The following WNK3 variants were observed in gnomAD, a reference collection of about 807,000 sequenced individuals.
WNK3 encodes the protein WNK lysine deficient protein kinase 3, also known as serine/threonine-protein kinase WNK3.
Under a neutral mutation model 116.7 loss-of-function variants are expected in WNK3, and 18 were observed. That is an observed-to-expected ratio of 0.15 (90% CI 0.11 to 0.23). The LOEUF (loss-of-function observed/expected upper bound fraction) is 0.23, where lower values mean the gene tolerates loss of function less well. Ranked by LOEUF, WNK3 falls within the 10% of genes least tolerant of loss-of-function variation. The probability of loss-of-function intolerance (pLI) is 1.00; values close to 1 mark genes in which losing one functional copy is unlikely to be tolerated. For synonymous variants in WNK3, 404 were observed against 469.4 expected, an observed-to-expected ratio of 0.86 and a Z score of 1.80; for missense variants, 993 against 1,323.8, an observed-to-expected ratio of 0.75 and a Z score of 3.88.
chrX:54,354,521 T>C (rs1303396864), intron 1 of WNK3, among the ~76,000 whole-genome samples: 1 of 109,977 alleles, frequency 9.1e-6, no homozygotes, highest in African/African-American at 3.3e-5. Flanking sequence ...CAGTTAACTG[T>C]GGCCTGTCAG....
intron 1 of WNK3, among the ~76,000 whole-genome samples, chrX:54,336,838 GAA>G (rs1343965726): frequency 1.8e-5 from 2 of 111,259 alleles, no homozygotes; most frequent in Non-Finnish European, 3.8e-5. Context: ...TGAGGGAAAA[GAA>G]AGAGTCTTAC....
exon 24 of WNK3, chrX:54,198,392 T>C: frequency 8.3e-7 from 1 of 1,211,065 alleles, no homozygotes; most frequent in Non-Finnish European, 1.1e-6. Flanking sequence ...TGCATATTCA[T>C]CCCTGGCTGG....
chrX:54,236,388 G>A (rs1284798483), intron 20 of WNK3, among the ~76,000 whole-genome samples: 1 of 110,271 alleles, frequency 9.1e-6, no homozygotes, highest in East Asian at 2.8e-4. Flanking sequence ...CTCCCACAGT[G>A]CTGAGATTAC....
At chrX:54,275,317 G>A (rs2068430954) in intron 10 of WNK3, among the ~76,000 whole-genome samples, 1 of 109,432 alleles carries the variant, frequency 9.1e-6, no homozygotes, top group Non-Finnish European at 1.9e-5. Context: ...CTCCGGCTCA[G>A]AAAAAAGTGG....
At chrX:54,311,032 T>C (rs2147175225) in intron 3 of WNK3, 87 bp downstream of exon 3, 2 of 700,702 alleles carry the variant, frequency 2.9e-6, no homozygotes, top group East Asian at 7.6e-5. Flanking sequence ...AAAAATTCTT[T>C]GAGTAGTTTT....
At position 54,274,557 on chromosome X, in the gene WNK3, T is replaced by A. The variant is rs782534024; in HGVS notation, c.2038-15219A>T. On this transcript the variant is annotated intron_variant, in intron 10 of 23. Transcript: ENST00000354646. ...GTAATTTTTTTCCTATTTCAAGAAATTTTCCCTCATTCCTAAATCATTCTT... is the reference window on the plus strand; with the variant it reads ...GTAATTTTTTTCCTATTTCAAGAAAATTTCCCTCATTCCTAAATCATTCTT... 4.5e-5 allele frequency among the ~76,000 whole-genome samples: 5 copies of A among 111,697 alleles called. No individual in the cohort carries two copies. In the East Asian group the frequency reaches 1.4e-3, roughly 31 times the overall value.
At chrX:54,308,686 T>A (rs1557169148) in intron 4 of WNK3, among the ~76,000 whole-genome samples, 1 of 111,993 alleles carries the variant, frequency 8.9e-6, no homozygotes, top group Non-Finnish European at 1.9e-5. Context: ...CTTACTTACA[T>A]CCTTAGAACC....
chrX:54,317,663 G>C (rs2068976287), intron 2 of WNK3, among the ~76,000 whole-genome samples: 1 of 106,426 alleles, frequency 9.4e-6, no homozygotes, highest in South Asian at 4.3e-4. Context: ...ACGGAATCTC[G>C]CTCTGTCGCC....
At chrX:54,303,114 C>T (rs1463984120) in intron 5 of WNK3, among the ~76,000 whole-genome samples, 1 of 106,284 alleles carries the variant, frequency 9.4e-6, no homozygotes, top group Non-Finnish European at 1.9e-5. Flanking sequence ...TAGAAGCCAT[C>T]GGTAGACGGC....
intron 1 of WNK3, among the ~76,000 whole-genome samples, chrX:54,342,745 T>C (rs1557176695): frequency 9.0e-6 from 1 of 110,583 alleles, no homozygotes; most frequent in East Asian, 2.8e-4. Context: ...AACAATAAAA[T>C]GTAATAGCTG....
intron 6 of WNK3, among the ~76,000 whole-genome samples, chrX:54,299,467 T>G (rs1411724451): frequency 2.3e-4 from 24 of 106,055 alleles, no homozygotes; most frequent in Non-Finnish European, 1.4e-4. Flanking sequence ...TTTTTTTTTT[T>G]GGGACGGAGT....
intron 22 of WNK3, among the ~76,000 whole-genome samples, chrX:54,221,276 T>C (rs186193237): frequency 8.9e-6 from 1 of 112,243 alleles, no homozygotes; most frequent in Non-Finnish European, 1.9e-5. Context: ...TAAAGCACAC[T>C]GCTGAAGAGA....
At chrX:54,340,106 C>T (rs980046317) in intron 1 of WNK3, among the ~76,000 whole-genome samples, 11 of 110,761 alleles carry the variant, frequency 9.9e-5, no homozygotes, top group South Asian at 3.8e-4. Flanking sequence ...GCCGAGATCA[C>T]GCCTCTGCAC....
At chrX:54,356,267 T>C (rs1457437863) in intron 1 of WNK3, among the ~76,000 whole-genome samples, 1 of 111,415 alleles carries the variant, frequency 9.0e-6, no homozygotes, top group Non-Finnish European at 1.9e-5. Flanking sequence ...AAAGATAAAT[T>C]CGTAATGACC....
exon 21 of WNK3, chrX:54,232,939 T>C (rs1478650812): frequency 4.1e-6 from 5 of 1,211,107 alleles, no homozygotes; most frequent in Non-Finnish European, 5.6e-6. Flanking sequence ...TTTTGCTATC[T>C]TTAATTGACC....
chrX:54,232,966 C>G lies in WNK3; in HGVS notation c.4683G>C (p.Glu1561Asp), dbSNP rs187102838. 51 of 1,208,451 alleles carry G rather than the reference C, an allele frequency of 4.2e-5. No individual in the cohort carries two copies. The East Asian group carries it at 1.5e-3, about 34-fold the overall frequency. The change falls in exon 21 of 24, where the codon GAG (glutamate) becomes GAC (aspartate). Residue 1561 changes from glutamate (E) to aspartate (D), a missense_variant. Coordinates refer to ENST00000354646, the Ensembl canonical transcript of WNK3. ...TAATTGACCGAAGGCGTTCATAGAG[C>G]TCCTGCAGCTCCTTATTCTGCTGGG... is the stretch of plus-strand genomic sequence containing the variant.
intron 1 of WNK3, among the ~76,000 whole-genome samples, chrX:54,336,645 A>C (rs782696013): frequency 1.8e-5 from 2 of 111,456 alleles, no homozygotes; most frequent in Non-Finnish European, 3.8e-5. Flanking sequence ...ACAGAGAGGC[A>C]GATAGACACC....
intron 1 of WNK3, among the ~76,000 whole-genome samples, chrX:54,355,906 T>C (rs2069587630): frequency 9.0e-6 from 1 of 111,607 alleles, no homozygotes; most frequent in Non-Finnish European, 1.9e-5. Flanking sequence ...ATTTAATACA[T>C]TAAGTATTCA....
chrX:54,208,097 T>C (rs1327370808), intron 22 of WNK3, among the ~76,000 whole-genome samples: 1 of 110,490 alleles, frequency 9.1e-6, no homozygotes, highest in Non-Finnish European at 1.9e-5. Flanking sequence ...AGAGATGTTC[T>C]GAGGATTAAG....
Sources: gnomAD v4.1 joint callset for allele counts (sites outside exome capture counted in the v4.1 genomes callset) on GRCh38, gnomAD v4.1.1 for gene constraint, MANE v1.5 for transcripts, NCBI Gene and HGNC (gene_info 2026-07-23, HGNC 2026-07-21) for gene names.